The following CSMD3 variants were observed in gnomAD, a reference collection of about 807,000 sequenced individuals.
CSMD3 encodes CUB and Sushi multiple domains 3.
In CSMD3, 177 loss-of-function variants were observed where a neutral mutation model predicts 435.2. That is an observed-to-expected ratio of 0.41 (90% confidence interval 0.36 to 0.46). The LOEUF (loss-of-function observed/expected upper bound fraction) is 0.46, where lower values mean the gene tolerates loss of function less well. Ranked by LOEUF, CSMD3 falls within the 20% of genes least tolerant of loss-of-function variation. The pLI is 0.34. For synonymous variants in CSMD3, 1,656 were observed against 1,520.5 expected (o/e 1.09, Z -2.07); for missense variants, 4,265 against 4,504.6 (o/e 0.95, Z 1.52).
intron 13 of CSMD3, among the ~76,000 whole-genome samples, chr8:112,764,629 A>G (rs2077929648): frequency 6.6e-6 from 1 of 151,622 alleles, no homozygotes; most frequent in African/African-American, 2.4e-5. Context: ...GAAATGGTTT[A>G]TGAAGAGTTT....
intron 1 of CSMD3, among the ~76,000 whole-genome samples, chr8:113,391,915 T>A (rs1254617537): frequency 6.6e-6 from 1 of 152,082 alleles, no homozygotes; most frequent in African/African-American, 2.4e-5. Flanking sequence ...ATGCAGCTGC[T>A]AACATGTAGT....
At chr8:112,270,728 A>G (rs1053734003) in intron 59 of CSMD3, among the ~76,000 whole-genome samples, 5 of 152,154 alleles carry the variant, frequency 3.3e-5, no homozygotes, top group African/African-American at 1.2e-4. Flanking sequence ...ATGCTCTAAT[A>G]TAAGTTAAAG....
At chr8:112,722,295 T>TA (rs1295498644) in intron 13 of CSMD3, among the ~76,000 whole-genome samples, 43 of 151,614 alleles carry the variant, frequency 2.8e-4, no homozygotes, top group African/African-American at 6.0e-4. Context: ...TTAGGTTTTT[T>TA]AAAAAAAAAG....
chr8:112,775,781 TGTGTG>T (rs2078230635), intron 13 of CSMD3, among the ~76,000 whole-genome samples: 2 of 151,998 alleles, frequency 1.3e-5, no homozygotes, highest in East Asian at 3.9e-4. Flanking sequence ...AAGCACCCAT[TGTGTG>T]TTTTAACTAT....
chr8:112,278,546 T>G (rs148106855), intron 59 of CSMD3, among the ~76,000 whole-genome samples: 1 of 152,272 alleles, frequency 6.6e-6, no homozygotes, highest in Non-Finnish European at 1.5e-5. Context: ...ATGAATGTCT[T>G]ACTCTATGAC....
Position 112,294,792 on chromosome 8 carries a change from T to C in CSMD3, c.8614+1041A>G, listed in dbSNP as rs1820105322. On this transcript the variant is annotated intron_variant, in intron 54 of 70. Transcript: ENST00000297405. ...GGATATATGTCGAACTGGTGAGATC[T>C]TTTTAAAATATTTCTAAAATTACAT... Among the ~76,000 whole-genome samples, 4 of 152,322 alleles carry C rather than the reference T, an allele frequency of 2.6e-5. No homozygotes were observed. The South Asian group carries it at 8.3e-4, about 32-fold the overall frequency.
intron 1 of CSMD3, among the ~76,000 whole-genome samples, chr8:113,430,490 A>C (rs1053109090): frequency 9.2e-5 from 14 of 152,124 alleles, no homozygotes; most frequent in Admixed American, 9.2e-4. Context: ...TGCTCTTTCC[A>C]CTTTACTGTA....
At chr8:113,420,400 T>A (rs977113655) in intron 1 of CSMD3, among the ~76,000 whole-genome samples, 27 of 151,930 alleles carry the variant, frequency 1.8e-4, no homozygotes, top group African/African-American at 4.8e-4. Flanking sequence ...TTAAAAAAAA[T>A]GTTATACATA....
At chr8:112,302,213 AT>A (rs34697524) in intron 52 of CSMD3, among the ~76,000 whole-genome samples, 9,755 of 134,948 alleles carry the variant, frequency 0.072, 940 homozygotes, top group African/African-American at 0.23. Flanking sequence ...TTTTTTTTTC[AT>A]TTTTTTTTTT....
intron 3 of CSMD3, among the ~76,000 whole-genome samples, chr8:113,248,485 A>ATG: frequency 7.2e-6 from 1 of 137,974 alleles, no homozygotes; most frequent in East Asian, 2.1e-4. Flanking sequence ...ATGTATATAT[A>ATG]CATATATATA....
intron 22 of CSMD3, among the ~76,000 whole-genome samples, chr8:112,619,520 A>T (rs1833905270): frequency 6.6e-6 from 1 of 151,950 alleles, no homozygotes; most frequent in African/African-American, 2.4e-5. Flanking sequence ...TCAGCTCATG[A>T]TCCTGCTTCC....
chr8:113,254,493 T>G (rs1325380245), intron 3 of CSMD3, among the ~76,000 whole-genome samples: 1 of 152,094 alleles, frequency 6.6e-6, no homozygotes, highest in Admixed American at 6.5e-5. Context: ...AAGATTAGGG[T>G]AGGGAGGCCA....
intron 10 of CSMD3, among the ~76,000 whole-genome samples, chr8:112,877,478 A>G (rs2511535): frequency 0.75 from 113,849 of 151,898 alleles, 43,461 homozygotes; most frequent in East Asian, 0.93. Flanking sequence ...ATGTTAGCCA[A>G]GCTGGTCTCG....
intron 4 of CSMD3, among the ~76,000 whole-genome samples, chr8:113,159,711 AATCCATTATAATATC>A (rs2092002481): frequency 6.6e-6 from 1 of 152,044 alleles, no homozygotes; most frequent in Non-Finnish European, 1.5e-5. Flanking sequence ...TCTCCATAGA[AATCCATTATAATATC>A]TATAGGATTT....
chr8:112,386,196 T>C (rs1208368800), intron 36 of CSMD3, among the ~76,000 whole-genome samples: 4 of 152,114 alleles, frequency 2.6e-5, no homozygotes, highest in African/African-American at 9.7e-5. Context: ...CATCTCAATT[T>C]CAGTGCAGTA....
intron 13 of CSMD3, among the ~76,000 whole-genome samples, chr8:112,725,607 T>A (rs539409069): frequency 6.6e-6 from 1 of 152,062 alleles, no homozygotes; most frequent in South Asian, 2.1e-4. Flanking sequence ...TTGGCTTTTT[T>A]ACTTTTGTAT....
rs1351151389 is a variant in CSMD3 at position 113,156,752 on chromosome 8, A to ATAAATAATTAAT, written c.709+16969_709+16970insATTAATTATTTA. Reference sequence around the variant, plus strand: ...CTCACCTAAATAAATAAATAAATAAATAAATAAATAAATAAATAAATAAAT... The same window carrying ATAAATAATTAAT: ...CTCACCTAAATAAATAAATAAATAAATAAATAATTAATTAAATAAATAAATAAATAAATAAAT... On this transcript the variant is annotated intron_variant, in intron 4 of 70. Coordinates refer to ENST00000297405, the MANE Select transcript of CSMD3 (RefSeq NM_198123.2). 1.5e-4 allele frequency among the ~76,000 whole-genome samples: 23 copies of ATAAATAATTAAT among 149,322 alleles called. No homozygotes were observed. In the East Asian group the frequency reaches 3.0e-3, roughly 19 times the overall value.
intron 1 of CSMD3, among the ~76,000 whole-genome samples, chr8:113,358,342 T>C (rs1249432864): frequency 6.6e-6 from 1 of 152,194 alleles, no homozygotes; most frequent in Non-Finnish European, 1.5e-5. Flanking sequence ...CACATAGTAG[T>C]GTTTTTAAAA....
intron 22 of CSMD3, among the ~76,000 whole-genome samples, chr8:112,621,087 T>C (rs1206260160): frequency 2.6e-5 from 4 of 151,784 alleles, no homozygotes; most frequent in South Asian, 4.2e-4. Context: ...AATACAAAAT[T>C]AGCTGGGTGT....
Sources: gnomAD v4.1 joint callset for allele counts (sites outside exome capture counted in the v4.1 genomes callset) on GRCh38, gnomAD v4.1.1 for gene constraint, MANE v1.5 for transcripts, NCBI Gene and HGNC (gene_info 2026-07-23, HGNC 2026-07-21) for gene names.